The following DIS3L2 variants were observed in gnomAD, a reference collection of about 807,000 sequenced individuals.
DIS3L2 encodes the protein DIS3-like exonuclease 2.
Under a neutral mutation model 97.5 loss-of-function variants are expected in DIS3L2, and 34 were observed. The ratio of observed to expected loss-of-function variants is 0.35; its 90% CI spans 0.27 to 0.46. The LOEUF is 0.46. Among genes scored for constraint, DIS3L2 ranks in the 20% least tolerant of loss-of-function variants. DIS3L2 has a pLI of 1.00. For synonymous variants in DIS3L2, 435 were observed against 445.2 expected (o/e 0.98, Z 0.29); for missense variants, 1,038 against 1,146.0 (o/e 0.91, Z 1.36).
At chr2:232,021,656 G>C (rs764310512) in intron 3 of DIS3L2, among the ~76,000 whole-genome samples, 1 of 152,084 alleles carries the variant, frequency 6.6e-6, no homozygotes, top group Non-Finnish European at 1.5e-5. Flanking sequence ...AAATGTTAGT[G>C]AATTGGAGCT....
intron 20 of DIS3L2, chr2:232,336,236 G>A (rs1695941563): frequency 6.5e-7 from 1 of 1,541,550 alleles, no homozygotes; most frequent in East Asian, 2.5e-5. Flanking sequence ...GCGGACCCAG[G>A]CCCTCAGGTT....
rs1001149132 is a variant in DIS3L2 at position 232,276,457 on chromosome 2, G to A, written c.1659+13017G>A. 6.6e-6 allele frequency among the ~76,000 whole-genome samples: 1 copy of A among 152,212 alleles called. No individual in the cohort carries two copies. The highest frequency in any genetic ancestry group is 1.5e-5 in the Non-Finnish European group (1 of 68,036). ...CTATCTTTCCTGGACCCTCCTGGCT[G>A]CCTAGTTTCCTGGCTGGGATTCCTG... On this transcript the variant is annotated intron_variant, in intron 13 of 20. Coordinates refer to ENST00000325385, the MANE Select transcript of DIS3L2 (RefSeq NM_152383.5). This position sits in a 1 kb window ranked among gnomAD's most constrained non-coding sequence, Gnocchi z 4.4.
intron 5 of DIS3L2, among the ~76,000 whole-genome samples, chr2:232,070,705 C>T (rs1448684149): frequency 6.6e-6 from 1 of 152,036 alleles, no homozygotes; most frequent in African/African-American, 2.4e-5. Flanking sequence ...CTGTCTCAGC[C>T]TCCCTAGTAG....
At chr2:232,023,357 A>G (rs1188287680) in intron 3 of DIS3L2, among the ~76,000 whole-genome samples, 2 of 152,180 alleles carry the variant, frequency 1.3e-5, no homozygotes, top group Non-Finnish European at 2.9e-5. Flanking sequence ...TGCAGAAGGA[A>G]ATTATTTTCT....
At chr2:232,168,140 G>T (rs1326056876) in intron 9 of DIS3L2, among the ~76,000 whole-genome samples, 1 of 152,084 alleles carries the variant, frequency 6.6e-6, no homozygotes, top group Admixed American at 6.6e-5. Flanking sequence ...CATCATTTTA[G>T]TCCCCAAATA....
At chr2:232,266,070 G>A (rs1043002469) in intron 13 of DIS3L2, among the ~76,000 whole-genome samples, 4 of 152,148 alleles carry the variant, frequency 2.6e-5, no homozygotes, top group African/African-American at 4.8e-5. Flanking sequence ...CTGTCATAAC[G>A]TTTTAGAGAC....
At chr2:232,107,906 T>C (rs73001198) in intron 6 of DIS3L2, among the ~76,000 whole-genome samples, 272 of 152,208 alleles carry the variant, frequency 1.8e-3, no homozygotes, top group Middle Eastern at 3.4e-3. Flanking sequence ...GAGGCAGTAA[T>C]AACCTACCAA....
In DIS3L2 at chr2:232,334,444, C is replaced by T. The variant is rs764432869; in HGVS notation, c.2234C>T (p.Ala745Val). ...QADHCNDRRM[A>V]SKRVQELSTS... The stretch of plus-strand genomic sequence containing the variant: ...GACCACTGTAACGACCGCCGCATGG[C>T]GTCCAAGCGCGTGCAGGAGCTCAGT... Residue 745 changes from alanine to valine, a missense_variant, in exon 18 of 21, where the codon GCG (alanine) becomes GTG (valine). Transcript: ENST00000325385. 4 of 1,613,936 alleles carry T rather than the reference C, an allele frequency of 2.5e-6. No individual in the cohort carries two copies. Among genetic ancestry groups the T allele is most frequent in the African/African-American group, 1.3e-5 (1 of 75,076 alleles).
At chr2:232,339,741 G>A (rs891869370), downstream of DIS3L2, 3 of 455,908 alleles carry the variant, frequency 6.6e-6, no homozygotes, top group Non-Finnish European at 1.3e-5. Context: ...CGAGAGAGCC[G>A]GGCCTGCCCA....
At chr2:232,335,476 G>A (rs973635353) in intron 19 of DIS3L2, 11 of 373,580 alleles carry the variant, frequency 2.9e-5, no homozygotes, top group East Asian at 1.5e-4. Flanking sequence ...GCGCTCCGCC[G>A]CCACAGTTCT....
chr2:232,002,044 T>G (rs1693924948), intron 1 of DIS3L2, among the ~76,000 whole-genome samples: 1 of 152,096 alleles, frequency 6.6e-6, no homozygotes, highest in Non-Finnish European at 1.5e-5. Context: ...TTGACTTGGT[T>G]TTTGTATATG....
chr2:232,038,705 C>T (rs191816548), intron 5 of DIS3L2, among the ~76,000 whole-genome samples: 28 of 152,256 alleles, frequency 1.8e-4, no homozygotes, highest in South Asian at 6.2e-4. Context: ...AAGTCTAAGA[C>T]GATGGGGTAG....
chr2:232,275,258 T>G (rs1407106234), intron 13 of DIS3L2, among the ~76,000 whole-genome samples: 1 of 152,246 alleles, frequency 6.6e-6, no homozygotes, highest in Non-Finnish European at 1.5e-5. Context: ...GCGGTTTTCT[T>G]TCTTTACTCC....
chr2:231,988,664 G>A (rs1243613497), intron 1 of DIS3L2, among the ~76,000 whole-genome samples: 1 of 152,156 alleles, frequency 6.6e-6, no homozygotes, highest in Non-Finnish European at 1.5e-5. Context: ...ATGGTTCTTA[G>A]CAAGGCCTTA....
At chr2:232,062,860 C>T (rs1017333640) in intron 5 of DIS3L2, among the ~76,000 whole-genome samples, 18 of 151,990 alleles carry the variant, frequency 1.2e-4, no homozygotes, top group Non-Finnish European at 2.2e-4. Context: ...TCTCTCTCTC[C>T]TTTCCCTTCC....
chr2:231,987,064 T>C (rs1693433764), intron 1 of DIS3L2, among the ~76,000 whole-genome samples: 1 of 152,176 alleles, frequency 6.6e-6, no homozygotes, highest in African/African-American at 2.4e-5. Context: ...CAGCTGGTTG[T>C]CTTGCATATT....
chr2:232,153,860 C>G (rs1483257046), intron 8 of DIS3L2, among the ~76,000 whole-genome samples: 1 of 152,138 alleles, frequency 6.6e-6, no homozygotes, highest in African/African-American at 2.4e-5. Flanking sequence ...TAGATTTGGT[C>G]TTTTCACATA....
Position 231,999,147 on chromosome 2 carries a change from T to C in DIS3L2, c.-93-15688T>C, listed in dbSNP as rs1693807981. On this transcript the variant is annotated intron_variant, in intron 1 of 20. Transcript: ENST00000325385. ...CAGCCATAGATAATTTGTAAACTAA[T>C]GAGCTTGGCTGTGTTTCAGTAAAAG... Among the ~76,000 whole-genome samples, 3 of 152,224 alleles carry C rather than the reference T, an allele frequency of 2.0e-5. No individual in the cohort carries two copies. The South Asian group carries it at 6.2e-4, about 31-fold the overall frequency.
intron 5 of DIS3L2, among the ~76,000 whole-genome samples, chr2:232,077,957 CTTTCTTTCTTTCTTTCTTT>C (rs1696250434): frequency 1.9e-4 from 6 of 32,066 alleles, no homozygotes; most frequent in Non-Finnish European, 2.6e-4. Flanking sequence ...CTTTCTTTCT[CTTTCTTTCTTTCTTTCTTT>C]CTTTCTTTCT....
Sources: allele counts gnomAD v4.1 joint callset (sites outside exome capture counted in the v4.1 genomes callset), GRCh38; gene constraint gnomAD v4.1.1; non-coding constraint Gnocchi (gnomAD v3.1); transcripts MANE v1.5; gene names NCBI Gene and HGNC (gene_info 2026-07-23, HGNC 2026-07-21).